The following ZNG1A variants were observed in gnomAD, a reference collection of about 807,000 sequenced individuals.
The protein encoded by ZNG1A is Zn regulated GTPase metalloprotein activator 1A, also known as zinc-regulated GTPase metalloprotein activator 1A.
At chr9:155,571 C>T in the ZNG1A span, among the ~76,000 whole-genome samples, 3 of 152,082 alleles carry the variant, frequency 2.0e-5, 1 homozygote, top group Admixed American at 2.0e-4. Flanking sequence ...ATCAGAAGCT[C>T]TATTTTCTAT....
chr9:174,146 C>CAAA, the ZNG1A span, among the ~76,000 whole-genome samples: 1 of 92,572 alleles, frequency 1.1e-5, no homozygotes, highest in Non-Finnish European at 2.2e-5. Context: ...GACTCCATCT[C>CAAA]AAAAAAAAAA....
chr9:146,391 G>C, the ZNG1A span: 1 of 379,440 alleles, frequency 2.6e-6, no homozygotes, highest in Non-Finnish European at 4.6e-6. Flanking sequence ...AAATTTATGA[G>C]CTTTTCAAAT....
chr9:161,589 C>G, the ZNG1A span: 1 of 1,286,540 alleles, frequency 7.8e-7, no homozygotes, highest in East Asian at 5.5e-5. Context: ...TATCCATATG[C>G]TCAGATTGGG....
chr9:166,363 G>C, the ZNG1A span: 1 of 149,090 alleles, frequency 6.7e-6, no homozygotes, highest in Admixed American at 6.7e-5. Flanking sequence ...AAACAAACTT[G>C]GGTAAGGAGA....
chr9:161,550 A>C, the ZNG1A span: 1 of 1,285,170 alleles, frequency 7.8e-7, no homozygotes, highest in Admixed American at 2.3e-5. Flanking sequence ...ACTGAATTTA[A>C]ACTTCCAAGA....
At chr9:162,690 C>T in the ZNG1A span, among the ~76,000 whole-genome samples, 1 of 150,118 alleles carries the variant, frequency 6.7e-6, no homozygotes, top group African/African-American at 2.5e-5. Flanking sequence ...TTTTAAGGCA[C>T]TAGAAACGAT....
chr9:128,694 T>C, the ZNG1A span, among the ~76,000 whole-genome samples: 1 of 150,202 alleles, frequency 6.7e-6, no homozygotes, highest in Non-Finnish European at 1.5e-5. Flanking sequence ...GGATTTCTTC[T>C]TAGTTTGGAT....
At chr9:147,101 C>T in the ZNG1A span, 2 of 150,012 alleles carry the variant, frequency 1.3e-5, no homozygotes, top group Admixed American at 6.6e-5. Context: ...TCATTTGAAC[C>T]CAGGAAGTGG....
At chr9:156,621 T>C in the ZNG1A span, 2,885 of 1,304,224 alleles carry the variant, frequency 2.2e-3, 45 homozygotes, top group African/African-American at 0.039. Flanking sequence ...TTTTCTTGCA[T>C]CTAATAAAAA....
chr9:144,656 A>G, the ZNG1A span, among the ~76,000 whole-genome samples: 2 of 151,838 alleles, frequency 1.3e-5, no homozygotes, highest in Admixed American at 6.6e-5. Flanking sequence ...CATGTCTAAA[A>G]CACCAAAAGC....
the ZNG1A span, among the ~76,000 whole-genome samples, chr9:144,492 T>C: frequency 6.6e-6 from 1 of 152,058 alleles, no homozygotes; most frequent in Non-Finnish European, 1.5e-5. Flanking sequence ...TGGCTAGCCA[T>C]ATGTAGAAAG....
At chr9:171,886 C>A in the ZNG1A span, 5 of 683,294 alleles carry the variant, frequency 7.3e-6, no homozygotes, top group Non-Finnish European at 9.9e-6. Context: ...CTTAAAAGTA[C>A]CAAGAAATAC....
At chr9:158,796 A>C in the ZNG1A span, among the ~76,000 whole-genome samples, 1 of 151,932 alleles carries the variant, frequency 6.6e-6, no homozygotes, top group Non-Finnish European at 1.5e-5. Flanking sequence ...ATAGCAGAAG[A>C]GATAAATGTC....
chr9:124,064 T>A, the ZNG1A span, among the ~76,000 whole-genome samples: 4 of 152,230 alleles, frequency 2.6e-5, no homozygotes. Context: ...GCGATGAGAA[T>A]GATAGGATAA....
chr9:154,248 G>C, the ZNG1A span: 1 of 171,622 alleles, frequency 5.8e-6, no homozygotes, highest in Non-Finnish European at 1.2e-5. Context: ...ACTTCACATA[G>C]GAAGGGGGGA....
chr9:132,446 G>A, the ZNG1A span, among the ~76,000 whole-genome samples: 2 of 105,084 alleles, frequency 1.9e-5, no homozygotes, highest in African/African-American at 8.0e-5. Context: ...AGAATCACTT[G>A]AATCTAGAAG....
At chr9:163,601 C>T in the ZNG1A span, among the ~76,000 whole-genome samples, 3 of 151,992 alleles carry the variant, frequency 2.0e-5, no homozygotes, top group Non-Finnish European at 4.4e-5. Flanking sequence ...CAACAATAAG[C>T]TTAACCATAA....
chr9:129,083 T>C, the ZNG1A span, among the ~76,000 whole-genome samples: 24 of 150,842 alleles, frequency 1.6e-4, no homozygotes, highest in East Asian at 2.9e-3. Context: ...GTGGAGGCGG[T>C]AGGAGGGTGA....
At chr9:159,027 TATAAA>T in the ZNG1A span, among the ~76,000 whole-genome samples, 4 of 151,918 alleles carry the variant, frequency 2.6e-5, no homozygotes, top group Non-Finnish European at 5.9e-5. Flanking sequence ...GACTTTCATT[TATAAA>T]ATAAAACAAA....
Sources: gnomAD v4.1 joint callset for allele counts (sites outside exome capture counted in the v4.1 genomes callset) on GRCh38, gnomAD v4.1.1 for gene constraint, MANE v1.5 for transcripts, NCBI Gene and HGNC (gene_info 2026-07-23, HGNC 2026-07-21) for gene names.